WNT4: variants seen among roughly 807,000 people sequenced by gnomAD.
The protein encoded by WNT4 is Wnt family member 4.
In WNT4, 16 loss-of-function variants were observed where a neutral mutation model predicts 34.5. That is an observed-to-expected ratio of 0.46 (90% CI 0.31 to 0.70). WNT4 has a LOEUF of 0.70. WNT4 is among the 30% of genes least tolerant of loss of function. The pLI is 0.04. For synonymous variants in WNT4, 200 were observed against 211.9 expected, an observed-to-expected ratio of 0.94 and a Z score of 0.49; for missense variants, 379 against 495.9, an observed-to-expected ratio of 0.76 and a Z score of 2.24.
chr1:22,123,807 C>G (rs999993202), intron 2 of WNT4, among the ~76,000 whole-genome samples: 2 of 152,298 alleles, frequency 1.3e-5, no homozygotes, highest in African/African-American at 4.8e-5. Context: ...ACATATGGAG[C>G]CAAGAAGGGC....
chr1:22,121,183 C>A, intron 4 of WNT4, 28 bp downstream of exon 4: 2 of 1,613,430 alleles, frequency 1.2e-6, no homozygotes, highest in African/African-American at 1.3e-5. Context: ...CCCTACCCCG[C>A]TCTTGGTGGG....
At chr1:22,129,975 G>A (rs1280506108) in intron 1 of WNT4, 124 bp from the exon 2 acceptor site, 12 of 1,128,460 alleles carry the variant, frequency 1.1e-5, no homozygotes, top group South Asian at 6.2e-5. Flanking sequence ...CCTGGCTGCC[G>A]ACTTCTCTCT....
chr1:22,126,409 G>A (rs907038714), intron 2 of WNT4, among the ~76,000 whole-genome samples: 3 of 152,166 alleles, frequency 2.0e-5, no homozygotes, highest in South Asian at 2.1e-4. Flanking sequence ...GAGAGGGCAC[G>A]GACCTTCCCC....
Position 22,121,429 on chromosome 1 carries a change from C to G in WNT4, c.445+16G>C. The stretch of plus-strand genomic sequence containing the variant: ...AAGCCCCCTGCCCTCCCACTCTGAC[C>G]ACCTCCTGCACCTACCCTGTGGGCT... On this transcript the variant is annotated intron_variant, in intron 3 of 4. Transcript: ENST00000290167. 1.2e-6 allele frequency: 2 copies of G among 1,613,958 alleles called. No individual in the cohort carries two copies. The highest frequency in any genetic ancestry group is 1.7e-6 in the Non-Finnish European group (2 of 1,180,022).
chr1:22,122,676 A>AG (rs546188676), intron 2 of WNT4, among the ~76,000 whole-genome samples: 23,923 of 152,106 alleles, frequency 0.16, 2,148 homozygotes, highest in African/African-American at 0.23. Flanking sequence ...GCAGGAGCGG[A>AG]GGGGGCAGGC....
In WNT4 at chr1:22,142,095, C is replaced by G. The variant is rs555780707; in HGVS notation, c.77+751G>C. Among the ~76,000 whole-genome samples the G allele has an allele frequency of 6.6e-6, 1 of 152,196 alleles. No homozygotes were observed. Among genetic ancestry groups the G allele is most frequent in the Non-Finnish European group, 1.5e-5 (1 of 68,034 alleles). The stretch of plus-strand genomic sequence containing the variant: ...CCCTCCCTGCAGCAAACCTTCCGCC[C>G]CTACCCAGGGAGCGCCCTGAGCGCA... On this transcript the variant is annotated intron_variant, in intron 1 of 4. Coordinates refer to ENST00000290167, the MANE Select transcript of WNT4 (RefSeq NM_030761.5). This position sits in a 1 kb window ranked among gnomAD's most constrained non-coding sequence, Gnocchi z 6.0.
chr1:22,134,899 T>C lies in WNT4; in HGVS notation c.78-5048A>G, dbSNP rs892360434. On this transcript the variant is annotated intron_variant, in intron 1 of 4. Coordinates refer to ENST00000290167, the MANE Select transcript of WNT4 (RefSeq NM_030761.5). The surrounding 1 kb of genome is among the most constrained non-coding windows in gnomAD (Gnocchi z 4.1). ...CCCTCTTAGTCCTGGGTTCCCAGTC[T>C]TTTTTTCAGCTGATCATGCCTGAGA... Among the ~76,000 whole-genome samples, 1 of 152,116 alleles carries C rather than the reference T, an allele frequency of 6.6e-6. No individual in the cohort carries two copies. Among genetic ancestry groups the C allele is most frequent in the Non-Finnish European group, 1.5e-5 (1 of 68,018 alleles).
intron 1 of WNT4, among the ~76,000 whole-genome samples, chr1:22,138,476 T>G (rs1646040062): frequency 1.3e-5 from 2 of 152,092 alleles, no homozygotes; most frequent in African/African-American, 2.4e-5. Context: ...TTACTGGCTA[T>G]CTAGCCGGTA....
chr1:22,141,912 T>TA (rs1338876734), intron 1 of WNT4, among the ~76,000 whole-genome samples: 4 of 152,228 alleles, frequency 2.6e-5, no homozygotes, highest in African/African-American at 4.8e-5. Flanking sequence ...GGCTCCCCAC[T>TA]GGCTGCCCAC....
chr1:22,143,021 C>T lies in WNT4; in HGVS notation c.-99G>A. 1 of 478,452 alleles carries T rather than the reference C, an allele frequency of 2.1e-6. No individual in the cohort carries two copies. The highest frequency in any genetic ancestry group is 2.7e-6 in the Non-Finnish European group (1 of 371,164). The allele number at this position is 478,452 out of a possible 1,614,324, so 29.6% of individuals were successfully genotyped here. A position where few individuals can be genotyped will look rare whatever the true frequency, so the allele number is the denominator to read the frequency against. On this transcript the variant is annotated 5_prime_UTR_variant, in exon 1 of 5. Coordinates refer to ENST00000290167, the MANE Select transcript of WNT4 (RefSeq NM_030761.5). Reference sequence around the variant, plus strand: ...GCGCCCGCGGGCGGGCCGGGGCGCGCGCGGCGGGGCTCTGCCTCCGTGTGC... The same window carrying T: ...GCGCCCGCGGGCGGGCCGGGGCGCGTGCGGCGGGGCTCTGCCTCCGTGTGC...
In WNT4 at chr1:22,140,241, C is replaced by T; in HGVS notation, c.77+2605G>A. 1 of 985,468 alleles carries T rather than the reference C, an allele frequency of 1.0e-6. No individual in the cohort carries two copies. The highest frequency in any genetic ancestry group is 1.2e-6 in the Non-Finnish European group (1 of 829,936). 61.0% of individuals were successfully genotyped at this position (985,468 alleles called of 1,614,324 possible). A position where few individuals can be genotyped will look rare whatever the true frequency, so the allele number is the denominator to read the frequency against. ...GCCAGCCATCATGCCTGCATGGACA[C>T]CTGCCTCCCCGAAGCTTTTCCTTCT... On this transcript the variant is annotated intron_variant, in intron 1 of 4. Transcript: ENST00000290167. The surrounding 1 kb of genome is among the most constrained non-coding windows in gnomAD (Gnocchi z 5.9).
At position 22,134,215 on chromosome 1, in the gene WNT4, C is replaced by T. The variant is rs1173182051; in HGVS notation, c.78-4364G>A. Among the ~76,000 whole-genome samples the T allele has an allele frequency of 1.3e-5, 2 of 152,138 alleles. No individual in the cohort carries two copies. Among genetic ancestry groups the T allele is most frequent in the Non-Finnish European group, 2.9e-5 (2 of 68,036 alleles). ...GCCACATTTAGAGCCTCCTCAGGAG[C>T]GGTCGTGCCTGCGATACCAGGGAGG... On this transcript the variant is annotated intron_variant, in intron 1 of 4. Coordinates refer to ENST00000290167, the MANE Select transcript of WNT4 (RefSeq NM_030761.5). The surrounding 1 kb of genome is among the most constrained non-coding windows in gnomAD (Gnocchi z 4.1).
chr1:22,121,519 A>G lies in WNT4; in HGVS notation c.371T>C (p.Val124Ala). The G allele has an allele frequency of 6.2e-7, 1 of 1,613,982 alleles. No individual in the cohort carries two copies. The highest frequency in any genetic ancestry group is 8.5e-7 in the Non-Finnish European group (1 of 1,180,022). The stretch of plus-strand genomic sequence containing the variant: ...CTCCCCACTGCTGCACGCCCGCGTC[A>G]CTGCAAAGGCCACACCTGCCGAAGA... ...AISSAGVAFA[V>A]TRACSSGELE... Residue 124 changes from valine (V) to alanine (A), a missense_variant, in exon 3 of 5, where the codon GTG (valine) becomes GCG (alanine). Transcript: ENST00000290167.
rs201024257 is a variant in WNT4, at chr1:22,129,691, A to G, written c.238T>C (p.Tyr80His). The G allele has an allele frequency of 3.4e-4, 552 of 1,613,690 alleles. No individual in the cohort carries two copies. Among genetic ancestry groups the G allele is most frequent in the Non-Finnish European group, 4.5e-4 (526 of 1,180,006 alleles). ...TTCCAGCGCCGGTTCCGGAACTGGT[A>G]CTGGCACTCCTCAATGGCCAGCTGG... ...GAQLAIEECQ[Y>H]QFRNRRWNCS... Residue 80 changes from tyrosine (Y) to histidine (H), a missense_variant, in exon 2 of 5, where the codon TAC (tyrosine) becomes CAC (histidine). Physicochemically the swap from Tyr to His is moderately conservative, Grantham distance 83. Coordinates refer to ENST00000290167, the MANE Select transcript of WNT4 (RefSeq NM_030761.5).
intron 1 of WNT4, among the ~76,000 whole-genome samples, chr1:22,131,724 T>C (rs561706603): frequency 6.6e-6 from 1 of 152,270 alleles, no homozygotes; most frequent in Admixed American, 6.5e-5. Context: ...TGGGGGCAAG[T>C]GTACAGCATG....
At position 22,139,372 on chromosome 1, in the gene WNT4, A is replaced by G. The variant is rs149636885; in HGVS notation, c.77+3474T>C. Among the ~76,000 whole-genome samples the G allele has an allele frequency of 1.6e-3, 248 of 152,130 alleles. No individual in the cohort carries two copies. The highest frequency in any genetic ancestry group is 3.4e-3 in the Middle Eastern group (1 of 294). Reference sequence around the variant, plus strand: ...TGCACCATTTGCATCAGTGGGCTCCATTTTACAGATGAGAAACCCGAGGCT... The same window carrying G: ...TGCACCATTTGCATCAGTGGGCTCCGTTTTACAGATGAGAAACCCGAGGCT... On this transcript the variant is annotated intron_variant, in intron 1 of 4. Coordinates refer to ENST00000290167, the MANE Select transcript of WNT4 (RefSeq NM_030761.5). This position sits in a 1 kb window ranked among gnomAD's most constrained non-coding sequence, Gnocchi z 4.6.
chr1:22,136,851 G>A (rs1402664670), intron 1 of WNT4, among the ~76,000 whole-genome samples: 3 of 152,144 alleles, frequency 2.0e-5, no homozygotes, highest in Non-Finnish European at 1.5e-5. Context: ...TCACACTCAT[G>A]CCTCGAAGCT....
At chr1:22,127,033 T>C in intron 2 of WNT4, 1 of 343,650 alleles carries the variant, frequency 2.9e-6, no homozygotes, top group Non-Finnish European at 5.8e-6. Context: ...TGGAGACAAA[T>C]TAAGAAGTTT....
intron 1 of WNT4, among the ~76,000 whole-genome samples, chr1:22,135,512 CTAGAGCCCCATGTCTT>C (rs1392854249): frequency 2.6e-5 from 4 of 152,188 alleles, no homozygotes; most frequent in Non-Finnish European, 4.4e-5. Context: ...ATGGGTCTTT[CTAGAGCCCCATGTCTT>C]TTCTGAACTA....
Sources: gnomAD v4.1 joint callset for allele counts (sites outside exome capture counted in the v4.1 genomes callset) on GRCh38, gnomAD v4.1.1 for gene constraint, Gnocchi (gnomAD v3.1) non-coding constraint, MANE v1.5 for transcripts, NCBI Gene and HGNC (gene_info 2026-07-23, HGNC 2026-07-21) for gene names.